The following CHD9 variants were observed in gnomAD, a reference collection of about 807,000 sequenced individuals.
CHD9 encodes the protein ATP-dependent chromatin remodeler CHD9.
In CHD9, 77 loss-of-function variants were observed where a neutral mutation model predicts 316.1. That is an observed-to-expected ratio of 0.24 (90% CI 0.20 to 0.29). The LOEUF (loss-of-function observed/expected upper bound fraction) is 0.29. Ranked by LOEUF, CHD9 falls within the 10% of genes least tolerant of loss-of-function variation. The pLI is 1.00. For missense variants in CHD9, 2,763 were observed against 3,438.1 expected, an observed-to-expected ratio of 0.80 and a Z score of 4.91; for synonymous variants, 1,129 against 1,158.3, an observed-to-expected ratio of 0.97 and a Z score of 0.51.
chr16:53,312,237 A>C (rs777250336), intron 34 of CHD9, among the ~76,000 whole-genome samples: 2 of 152,230 alleles, frequency 1.3e-5, no homozygotes, highest in Non-Finnish European at 2.9e-5. Context: ...AAGTAAAAGA[A>C]ATGTAGGACA....
In CHD9 at chr16:53,296,941, T is replaced by C; in HGVS notation, c.5511-15T>C. The stretch of plus-strand genomic sequence containing the variant: ...TGACTAGTGTGGTTTTTTTCTTTAA[T>C]CTGACTCAAAATAGATGGACAAGAA... On this transcript the variant is annotated splice_polypyrimidine_tract_variant and intron_variant, in intron 29 of 38. Coordinates refer to ENST00000447540, the MANE Select transcript of CHD9 (RefSeq NM_001308319.2). 6.3e-7 allele frequency: 1 copy of C among 1,592,916 alleles called. No individual in the cohort carries two copies. The highest frequency in any genetic ancestry group is 8.6e-7 in the Non-Finnish European group (1 of 1,164,210).
chr16:53,132,108 G>T (rs1356158222), intron 1 of CHD9, among the ~76,000 whole-genome samples: 2 of 151,948 alleles, frequency 1.3e-5, no homozygotes, highest in South Asian at 4.2e-4. Context: ...TTTTTTTTGG[G>T]GGGGGTGGTT....
chr16:53,086,928 T>C (rs1763383409), intron 1 of CHD9, among the ~76,000 whole-genome samples: 1 of 152,154 alleles, frequency 6.6e-6, no homozygotes, highest in African/African-American at 2.4e-5. Flanking sequence ...AATGGAAACT[T>C]ACCCAATCTT....
intron 15 of CHD9, among the ~76,000 whole-genome samples, chr16:53,246,095 T>G (rs929287300): frequency 6.6e-6 from 1 of 152,206 alleles, no homozygotes; most frequent in Non-Finnish European, 1.5e-5. Flanking sequence ...GTCCTCTTGT[T>G]TAATCCTCCT....
intron 1 of CHD9, among the ~76,000 whole-genome samples, chr16:53,057,377 G>T (rs1408633787): frequency 6.6e-6 from 1 of 151,792 alleles, no homozygotes. Context: ...AAAAAGGCCG[G>T]GTGCAGTGGC....
chr16:53,304,693 CTTTTT>C (rs376929117), intron 31 of CHD9, 68 bp downstream of exon 31: 454 of 768,494 alleles, frequency 5.9e-4, no homozygotes, highest in South Asian at 2.1e-3. Context: ...CTTTTCTTTT[CTTTTT>C]TTTTTTTTTT....
chr16:53,240,189 G>A (rs927727068), intron 12 of CHD9, among the ~76,000 whole-genome samples: 24 of 152,178 alleles, frequency 1.6e-4, no homozygotes, highest in Middle Eastern at 3.4e-3. Flanking sequence ...TTACAGGCAG[G>A]AGCCACTGCA....
chr16:53,176,796 AT>A (rs2043126205), intron 2 of CHD9, among the ~76,000 whole-genome samples: 1 of 152,212 alleles, frequency 6.6e-6, no homozygotes. Context: ...AAACTGAGCA[AT>A]TTTTGAAAGA....
chr16:53,145,509 C>T (rs1439710675), intron 1 of CHD9, among the ~76,000 whole-genome samples: 1 of 151,576 alleles, frequency 6.6e-6, no homozygotes, highest in Non-Finnish European at 1.5e-5. Context: ...GAGTATGAGA[C>T]CAGCCTGGCC....
At chr16:53,070,478 T>G in intron 1 of CHD9, among the ~76,000 whole-genome samples, 1 of 149,190 alleles carries the variant, frequency 6.7e-6, no homozygotes, top group African/African-American at 2.5e-5. Context: ...ATGTCTTTCT[T>G]TCTTTCTTTC....
intron 1 of CHD9, among the ~76,000 whole-genome samples, chr16:53,074,100 A>G (rs8044917): frequency 0.65 from 98,897 of 152,040 alleles, 32,807 homozygotes; most frequent in Non-Finnish European, 0.68. Flanking sequence ...AGATAGAGTT[A>G]AGGAACTTGT....
At chr16:53,308,609 TA>T in intron 33 of CHD9, 76 bp from the exon 34 acceptor site, 5 of 1,043,638 alleles carry the variant, frequency 4.8e-6, no homozygotes, top group Non-Finnish European at 5.7e-6. Context: ...TTTTCCTCAG[TA>T]AAAAAATTCT....
chr16:53,124,213 A>G (rs894139738), intron 1 of CHD9, among the ~76,000 whole-genome samples: 3 of 152,136 alleles, frequency 2.0e-5, no homozygotes, highest in Non-Finnish European at 4.4e-5. Flanking sequence ...CGAGGGTTCT[A>G]CTTTCTCTGC....
At position 53,247,495 on chromosome 16, in the gene CHD9, A is replaced by G. The variant is rs1338504878; in HGVS notation, c.3657A>G (p.Ile1219Met). The stretch of plus-strand genomic sequence containing the variant: ...TTGACATTCTGGAGGACTATCTCAT[A>G]CATAAAAGGTAAAGCATACTGAATT... Reference protein sequence around the residue: ...RCLDILEDYLIHKRYLYERID... With the variant: ...RCLDILEDYLMHKRYLYERID... Residue 1219 changes from isoleucine (I) to methionine (M), a missense_variant, in exon 16 of 39, where the codon ATA becomes ATG. Ile to Met is a conservative substitution (Grantham distance 10). Transcript: ENST00000447540. 2 of 1,592,784 alleles carry G rather than the reference A, an allele frequency of 1.3e-6. No individual in the cohort carries two copies. Among genetic ancestry groups the G allele is most frequent in the East Asian group, 2.2e-5 (1 of 44,466 alleles).
At chr16:53,091,403 TACTA>T (rs1850716645) in intron 1 of CHD9, among the ~76,000 whole-genome samples, 3 of 152,306 alleles carry the variant, frequency 2.0e-5, no homozygotes, top group South Asian at 2.1e-4. Flanking sequence ...TTCAGGGAGA[TACTA>T]ACTGTGATGT....
chr16:53,259,594 C>G (rs917749907), intron 19 of CHD9, among the ~76,000 whole-genome samples: 4 of 152,172 alleles, frequency 2.6e-5, no homozygotes, highest in Non-Finnish European at 5.9e-5. Flanking sequence ...TTCACTACAG[C>G]CTTGACTTCC....
Position 53,267,945 on chromosome 16 carries a change from G to T in CHD9, c.4536G>T (p.Glu1512Asp). The T allele has an allele frequency of 6.2e-7, 1 of 1,613,488 alleles. No individual in the cohort carries two copies. Among genetic ancestry groups the T allele is most frequent in the Non-Finnish European group, 8.5e-7 (1 of 1,179,622 alleles). ...TAACCAGGTGGGGCCGATGGAGAGAGATTCTATCTCATGGCCGTTTCAAAA... is the reference window on the plus strand; with the variant it reads ...TAACCAGGTGGGGCCGATGGAGAGATATTCTATCTCATGGCCGTTTCAAAA... ...LLVYGWGRWREILSHGRFKRQ... is the reference protein window; with the variant it reads ...LLVYGWGRWRDILSHGRFKRQ... The change falls in exon 22 of 39, where the codon GAG (glutamate) becomes GAT (aspartate). Residue 1512 changes from glutamate (E) to aspartate (D), a missense_variant. Transcript: ENST00000447540.
intron 20 of CHD9, among the ~76,000 whole-genome samples, chr16:53,264,288 C>A (rs1465437938): frequency 6.6e-6 from 1 of 151,910 alleles, no homozygotes; most frequent in Non-Finnish European, 1.5e-5. Flanking sequence ...CAGGAATCGG[C>A]CCTGCAGCAA....
chr16:53,272,995 A>C lies in CHD9; in HGVS notation c.4718-631A>C, dbSNP rs548711521. On this transcript the variant is annotated intron_variant, in intron 22 of 38. Coordinates refer to ENST00000447540, the MANE Select transcript of CHD9 (RefSeq NM_001308319.2). The stretch of plus-strand genomic sequence containing the variant: ...TCCCAGCTACTCAGGAGGCTGAGGG[A>C]GGAGAATCACTTGAACCCAGAAGGC... Among the ~76,000 whole-genome samples, 8 of 152,234 alleles carry C rather than the reference A, an allele frequency of 5.3e-5. No homozygotes were observed. In the East Asian group the frequency reaches 1.5e-3, roughly 29 times the overall value.
Sources: gnomAD v4.1 joint callset for allele counts (sites outside exome capture counted in the v4.1 genomes callset) on GRCh38, gnomAD v4.1.1 for gene constraint, MANE v1.5 for transcripts, NCBI Gene and HGNC (gene_info 2026-07-23, HGNC 2026-07-21) for gene names.